NEDD4: variants seen among roughly 807,000 people sequenced by gnomAD.
The protein encoded by NEDD4 is NEDD4 E3 ubiquitin protein ligase.
In NEDD4, 99 loss-of-function variants were observed where a neutral mutation model predicts 144.9. The observed-to-expected ratio is 0.68, with a 90% CI of 0.58 to 0.81. The LOEUF is 0.81. Ranked by LOEUF, NEDD4 falls within the 30% of genes least tolerant of loss-of-function variation. NEDD4 has a pLI of 0.00. For synonymous variants in NEDD4, 318 were observed against 350.6 expected, an observed-to-expected ratio of 0.91 and a Z score of 1.04; for missense variants, 985 against 1,065.9, an observed-to-expected ratio of 0.92 and a Z score of 1.06.
At chr15:55,942,347 G>C (rs1373893264) in intron 4 of NEDD4, among the ~76,000 whole-genome samples, 1 of 152,070 alleles carries the variant, frequency 6.6e-6, no homozygotes, top group Non-Finnish European at 1.5e-5. Context: ...ATATGGTTTG[G>C]AATTATGTCT....
At chr15:55,903,187 A>T (rs955221645) in intron 5 of NEDD4, among the ~76,000 whole-genome samples, 1 of 152,060 alleles carries the variant, frequency 6.6e-6, no homozygotes, top group Admixed American at 6.6e-5. Context: ...CCCAAATGGA[A>T]TTTTTCCTTT....
intron 2 of NEDD4, among the ~76,000 whole-genome samples, chr15:55,961,243 C>T (rs1487208250): frequency 6.6e-6 from 1 of 152,052 alleles, no homozygotes; most frequent in African/African-American, 2.4e-5. Flanking sequence ...GTCCAAATTC[C>T]TAGAGTCTCA....
chr15:55,840,195 T>C (rs1264609317), intron 21 of NEDD4, among the ~76,000 whole-genome samples: 1 of 151,006 alleles, frequency 6.6e-6, no homozygotes, highest in Non-Finnish European at 1.5e-5. Context: ...GATAGACAGA[T>C]AGGTATGTGA....
chr15:55,848,935 A>G (rs574659236), intron 14 of NEDD4, 49 bp from the exon 15 acceptor site: 2 of 1,422,954 alleles, frequency 1.4e-6, no homozygotes, highest in South Asian at 1.2e-5. Flanking sequence ...TTTTAAAATA[A>G]TCAAAGTCAG....
chr15:55,935,882 C>G (rs1337418470), intron 4 of NEDD4, among the ~76,000 whole-genome samples: 1 of 146,888 alleles, frequency 6.8e-6, no homozygotes, highest in East Asian at 2.1e-4. Flanking sequence ...CAGCAAAAAG[C>G]TCTCCCTTTT....
rs1595755309 is a variant in NEDD4, at chr15:55,856,340, C to T, written c.961-144G>A. The T allele has an allele frequency of 2.0e-5, 14 of 691,460 alleles. 1 individual carries two copies. The Middle Eastern group carries it at 1.2e-3, about 61-fold the overall frequency. 42.8% of individuals were successfully genotyped at this position (691,460 alleles called of 1,614,324 possible). A position where few individuals can be genotyped will look rare whatever the true frequency, so the allele number is the denominator to read the frequency against. ...CAAATGTTGAGAGTGCAGGCTGAGT[C>T]ATGTGGTCGCTCTCAGCCCCCTACG... On this transcript the variant is annotated intron_variant, in intron 11 of 28. Coordinates refer to ENST00000435532, the MANE Select transcript of NEDD4 (RefSeq NM_006154.4).
At chr15:55,848,699 C>T in intron 15 of NEDD4, 107 bp downstream of exon 15, 2 of 1,283,902 alleles carry the variant, frequency 1.6e-6, no homozygotes, top group South Asian at 1.3e-5. Flanking sequence ...AAGGTATCAA[C>T]ATTTTAATAA....
intron 5 of NEDD4, among the ~76,000 whole-genome samples, chr15:55,881,143 CTTT>C (rs67958165): frequency 9.4e-5 from 13 of 137,860 alleles, no homozygotes; most frequent in Non-Finnish European, 1.1e-4. Context: ...CTTTTCTTTT[CTTT>C]TTTTTTTTTT....
intron 5 of NEDD4, among the ~76,000 whole-genome samples, chr15:55,891,060 A>C (rs574842076): frequency 2.6e-5 from 4 of 152,284 alleles, no homozygotes; most frequent in African/African-American, 9.6e-5. Flanking sequence ...TTATTGCTCT[A>C]TATTTGTTGT....
chr15:55,893,462 C>G (rs2035635415), intron 5 of NEDD4, among the ~76,000 whole-genome samples: 1 of 151,832 alleles, frequency 6.6e-6, no homozygotes, highest in Admixed American at 6.6e-5. Context: ...CAATTAAAAA[C>G]TTAAAGTTTT....
chr15:55,863,078 G>A lies in NEDD4; in HGVS notation c.509C>T (p.Pro170Leu). 6.4e-7 allele frequency: 1 copy of A among 1,562,278 alleles called. No homozygotes were observed. Among genetic ancestry groups the A allele is most frequent in the Non-Finnish European group, 8.7e-7 (1 of 1,146,686 alleles). Residue 170 changes from proline to leucine, a missense_variant and splice_region_variant, in exon 9 of 29, where the codon CCT (proline) becomes CTT (leucine). Transcript: ENST00000435532. ...DNAEQAEELE[P>L]GWVVLDQPDA... is the part of the protein sequence containing the mutation. ...TGGTTGGTCCAAAACAACCCAGCCAGGCTGAAAAACAGGATGGCAGCAATT... is the reference window on the plus strand; with the variant it reads ...TGGTTGGTCCAAAACAACCCAGCCAAGCTGAAAAACAGGATGGCAGCAATT...
intron 13 of NEDD4, among the ~76,000 whole-genome samples, chr15:55,851,635 C>T (rs140792200): frequency 6.6e-6 from 1 of 152,070 alleles, no homozygotes; most frequent in South Asian, 2.1e-4. Context: ...CGCCACCACG[C>T]CTGGCTAATT....
chr15:55,852,614 C>T (rs1233141390), intron 12 of NEDD4, 71 bp from the exon 13 acceptor site: 2 of 1,453,222 alleles, frequency 1.4e-6, no homozygotes, highest in East Asian at 2.4e-5. Flanking sequence ...CCAAAAGTTC[C>T]CTCTGTCCCT....
Position 55,993,570 on chromosome 15 carries a change from AG to A in NEDD4, c.-16del. The A allele has an allele frequency of 6.3e-7, 1 of 1,591,192 alleles. No homozygotes were observed. The highest frequency in any genetic ancestry group is 1.1e-5 in the South Asian group (1 of 88,700). ...CAAGTTGCCATTTCCGAACGCTTCCAGCAAACCGGACGCGCTCGCCCCCGCC... is the reference window on the plus strand; with the variant it reads ...CAAGTTGCCATTTCCGAACGCTTCCACAAACCGGACGCGCTCGCCCCCGCC... On this transcript the variant is annotated 5_prime_UTR_variant, in exon 1 of 29. Transcript: ENST00000435532.
In NEDD4 at chr15:55,990,560, G is replaced by A. The variant is rs573153730; in HGVS notation, c.45+2951C>T. Among the ~76,000 whole-genome samples, 21 of 152,288 alleles carry A rather than the reference G, an allele frequency of 1.4e-4. No homozygotes were observed. In the South Asian group the frequency reaches 4.4e-3, roughly 32 times the overall value. On this transcript the variant is annotated intron_variant, in intron 1 of 28. Transcript: ENST00000435532. ...AGAAAATTTAGATGTTTACATGACT[G>A]TGCTTATCAGCAGAAAAAGCCAAAG...
At position 55,906,219 on chromosome 15, in the gene NEDD4, T is replaced by C. The variant is rs531814430; in HGVS notation, c.291+18427A>G. 2.0e-5 allele frequency among the ~76,000 whole-genome samples: 3 copies of C among 152,320 alleles called. No homozygotes were observed. In the South Asian group the frequency reaches 6.2e-4, roughly 32 times the overall value. On this transcript the variant is annotated intron_variant, in intron 5 of 28. Coordinates refer to ENST00000435532, the MANE Select transcript of NEDD4 (RefSeq NM_006154.4). ...CTAGTTCAACCATTGTGGAAGACAG[T>C]GTGGCGATTCCTCACGGATCTAGAA...
intron 4 of NEDD4, among the ~76,000 whole-genome samples, chr15:55,934,387 T>G (rs1442050661): frequency 3.3e-5 from 5 of 152,206 alleles, no homozygotes; most frequent in African/African-American, 1.2e-4. Flanking sequence ...GTTTCTAATT[T>G]TTGACTATTA....
intron 5 of NEDD4, among the ~76,000 whole-genome samples, chr15:55,880,945 C>T (rs2035169615): frequency 6.6e-6 from 1 of 152,146 alleles, no homozygotes; most frequent in African/African-American, 2.4e-5. Context: ...GCTCCCCTTT[C>T]CCTGGACCAG....
intron 1 of NEDD4, among the ~76,000 whole-genome samples, chr15:55,985,928 G>A (rs1447289778): frequency 6.6e-6 from 1 of 152,116 alleles, no homozygotes; most frequent in East Asian, 1.9e-4. Flanking sequence ...GTAGATAGCT[G>A]AGCCAAGCAA....
Sources: gnomAD v4.1 joint callset for allele counts (sites outside exome capture counted in the v4.1 genomes callset) on GRCh38, gnomAD v4.1.1 for gene constraint, MANE v1.5 for transcripts, NCBI Gene and HGNC (gene_info 2026-07-23, HGNC 2026-07-21) for gene names.